RCAN2: variants seen among roughly 807,000 people sequenced by gnomAD.
RCAN2 encodes regulator of calcineurin 2.
Under a neutral mutation model 23.6 loss-of-function variants are expected in RCAN2, and 9 were observed. That is an observed-to-expected ratio of 0.38 (90% CI 0.23 to 0.67). RCAN2 has a LOEUF of 0.67. RCAN2 is among the 30% of genes least tolerant of loss of function. RCAN2 has a pLI of 0.51. For missense variants in RCAN2, 273 were observed against 302.3 expected (o/e 0.90, Z 0.72); for synonymous variants, 109 against 115.7 (o/e 0.94, Z 0.37).
At chr6:46,401,947 C>T (rs1766258869) in intron 2 of RCAN2, among the ~76,000 whole-genome samples, 1 of 152,158 alleles carries the variant, frequency 6.6e-6, no homozygotes, top group African/African-American at 2.4e-5. Flanking sequence ...CTTGTGAGCT[C>T]AGCCTAAGCA....
chr6:46,458,885 A>ACGCGCGCGCG (rs57258359), intron 1 of RCAN2, among the ~76,000 whole-genome samples: 2 of 148,056 alleles, frequency 1.4e-5, no homozygotes, highest in African/African-American at 5.1e-5. Context: ...TTACAGGAAA[A>ACGCGCGCGCG]CGCGCGCGCA....
At chr6:46,375,959 T>A (rs531438602) in intron 2 of RCAN2, among the ~76,000 whole-genome samples, 3 of 152,374 alleles carry the variant, frequency 2.0e-5, no homozygotes, top group South Asian at 4.1e-4. Context: ...TATGACACTA[T>A]ACATGCTTCC....
rs149643516 is a variant in RCAN2, at chr6:46,264,874, C to T, written c.226-15978G>A. Among the ~76,000 whole-genome samples the T allele has an allele frequency of 5.1e-3, 769 of 152,270 alleles. 3 individuals carry two copies. The highest frequency in any genetic ancestry group is 0.013 in the South Asian group (61 of 4,806). On this transcript the variant is annotated intron_variant, in intron 2 of 4. Coordinates refer to ENST00000371374, the MANE Select transcript of RCAN2 (RefSeq NM_001251974.2). ...GTCCACACTAGGCCCCGCACATATG[C>T]TAATTTATCTCATTCTCACAATACA... is the stretch of plus-strand genomic sequence containing the variant.
At chr6:46,460,695 G>T (rs966891648) in intron 1 of RCAN2, among the ~76,000 whole-genome samples, 12 of 152,266 alleles carry the variant, frequency 7.9e-5, no homozygotes, top group Admixed American at 5.9e-4. Context: ...GAAAGCAGAG[G>T]CTGGGTTGTC....
At chr6:46,231,167 G>A (rs951288990) in intron 4 of RCAN2, among the ~76,000 whole-genome samples, 2 of 152,100 alleles carry the variant, frequency 1.3e-5, no homozygotes, top group Admixed American at 6.5e-5. Flanking sequence ...ACATCAATAC[G>A]ACTAGCACCC....
At chr6:46,268,897 C>T (rs1408538243) in intron 2 of RCAN2, among the ~76,000 whole-genome samples, 1 of 152,116 alleles carries the variant, frequency 6.6e-6, no homozygotes, top group Non-Finnish European at 1.5e-5. Context: ...TGGCCTGATG[C>T]TTATTTATGT....
At chr6:46,312,386 A>G (rs1310660019) in intron 2 of RCAN2, among the ~76,000 whole-genome samples, 1 of 152,118 alleles carries the variant, frequency 6.6e-6, no homozygotes, top group Non-Finnish European at 1.5e-5. Context: ...TCCACTTACG[A>G]GTTTTTAGGA....
chr6:46,416,709 A>C (rs1356609050), intron 2 of RCAN2, among the ~76,000 whole-genome samples: 1 of 151,694 alleles, frequency 6.6e-6, no homozygotes, highest in Non-Finnish European at 1.5e-5. Flanking sequence ...TTTTGTAGAG[A>C]TGGGGTTTCA....
At chr6:46,292,213 T>C (rs966995592) in intron 2 of RCAN2, among the ~76,000 whole-genome samples, 20 of 152,108 alleles carry the variant, frequency 1.3e-4, no homozygotes, top group African/African-American at 4.6e-4. Flanking sequence ...GGTGTGACAA[T>C]TGATAAAACT....
intron 1 of RCAN2, among the ~76,000 whole-genome samples, chr6:46,463,639 C>T (rs1768287167): frequency 6.6e-6 from 1 of 152,120 alleles, no homozygotes; most frequent in Non-Finnish European, 1.5e-5. Context: ...TGGGATTAAA[C>T]ATACTCAAGA....
chr6:46,445,153 C>A (rs1767666936), intron 2 of RCAN2, among the ~76,000 whole-genome samples: 1 of 152,226 alleles, frequency 6.6e-6, no homozygotes, highest in African/African-American at 2.4e-5. Flanking sequence ...ACCACCCCTG[C>A]ACCAGGTCAG....
At chr6:46,287,628 C>T (rs1158613247) in intron 2 of RCAN2, among the ~76,000 whole-genome samples, 1 of 152,220 alleles carries the variant, frequency 6.6e-6, no homozygotes, top group Admixed American at 6.5e-5. Flanking sequence ...CTAAACTTTT[C>T]ACAGAAGTAG....
chr6:46,392,493 T>A (rs1365893705), intron 2 of RCAN2, among the ~76,000 whole-genome samples: 1 of 152,150 alleles, frequency 6.6e-6, no homozygotes, highest in Non-Finnish European at 1.5e-5. Context: ...GATACTGTCC[T>A]AGATACTGCA....
At chr6:46,386,120 T>C (rs1468201003) in intron 2 of RCAN2, among the ~76,000 whole-genome samples, 1 of 152,024 alleles carries the variant, frequency 6.6e-6, no homozygotes, top group Non-Finnish European at 1.5e-5. Context: ...CAATCTACCC[T>C]TCTGACAAAG....
chr6:46,483,579 T>C (rs10807342), intron 1 of RCAN2, among the ~76,000 whole-genome samples: 88,072 of 152,004 alleles, frequency 0.58, 26,204 homozygotes, highest in South Asian at 0.66. Context: ...TCTGACTGAG[T>C]AAGTAATTCA....
intron 2 of RCAN2, among the ~76,000 whole-genome samples, chr6:46,289,989 A>G (rs997599093): frequency 6.6e-6 from 1 of 152,190 alleles, no homozygotes; most frequent in Admixed American, 6.5e-5. Flanking sequence ...AGGTTGGGAA[A>G]TAGAGACAAG....
intron 2 of RCAN2, among the ~76,000 whole-genome samples, chr6:46,319,295 A>G (rs1318636548): frequency 6.6e-6 from 1 of 152,238 alleles, no homozygotes; most frequent in African/African-American, 2.4e-5. Context: ...ACAAACCCAT[A>G]TAAATTACTG....
rs150470295 is a variant in RCAN2 at position 46,318,744 on chromosome 6, G to T, written c.226-69848C>A. On this transcript the variant is annotated intron_variant, in intron 2 of 4. Coordinates refer to ENST00000371374, the MANE Select transcript of RCAN2 (RefSeq NM_001251974.2). ...AAAAAGAGAAATATATAGTAAATAT[G>T]CATGTTATACATACATTTGCACATG... 7.8e-3 allele frequency among the ~76,000 whole-genome samples: 1,190 copies of T among 152,226 alleles called. 3 individuals are homozygous for T. Among genetic ancestry groups the T allele is most frequent in the Non-Finnish European group, 0.013 (870 of 67,976 alleles).
intron 2 of RCAN2, among the ~76,000 whole-genome samples, chr6:46,298,111 G>T (rs963031214): frequency 2.6e-5 from 4 of 151,904 alleles, no homozygotes; most frequent in Admixed American, 1.3e-4. Flanking sequence ...CTATTGCTTA[G>T]TGACAAAGTG....
Sources: allele counts gnomAD v4.1 joint callset (sites outside exome capture counted in the v4.1 genomes callset), GRCh38; gene constraint gnomAD v4.1.1; transcripts MANE v1.5; gene names NCBI Gene and HGNC (gene_info 2026-07-23, HGNC 2026-07-21).